Variants in ZNF785 observed in about 807,000 individuals in gnomAD.
ZNF785 encodes the protein zinc finger protein 785.
A neutral mutation model predicts 11.3 loss-of-function variants in ZNF785; 15 were observed. The ratio of observed to expected loss-of-function variants is 1.32; its 90% CI spans 0.89 to 2.04. The LOEUF (loss-of-function observed/expected upper bound fraction) is 2.04, where lower values mean the gene tolerates loss of function less well. Among genes scored for constraint, ZNF785 ranks in the 30% most tolerant of loss-of-function variants. The pLI is 0.00. For synonymous variants in ZNF785, 221 were observed against 231.0 expected, an observed-to-expected ratio of 0.96 and a Z score of 0.39; for missense variants, 572 against 560.9, an observed-to-expected ratio of 1.02 and a Z score of -0.20.
downstream of ZNF785, among the ~76,000 whole-genome samples, chr16:30,580,185 C>CA (rs2051788163): frequency 9.9e-6 from 1 of 101,084 alleles, no homozygotes; most frequent in Admixed American, 9.4e-5. Flanking sequence ...CCACACCAGG[C>CA]CTTTTTTTTT....
At chr16:30,584,124 G>A (rs375576722) in intron 2 of ZNF785, among the ~76,000 whole-genome samples, 2 of 151,756 alleles carry the variant, frequency 1.3e-5, no homozygotes, top group African/African-American at 4.8e-5. Flanking sequence ...CAGCATGGGC[G>A]ACACAGCAAG....
Position 30,582,916 on chromosome 16 carries a change from C to T in ZNF785, c.862G>A (p.Asp288Asn). Residue 288 changes from aspartate (D) to asparagine (N), a missense_variant, in exon 3 of 3, where the codon GAT becomes AAT. Coordinates refer to ENST00000395216, the MANE Select transcript of ZNF785 (RefSeq NM_152458.7). ...GTGTAGGCGAAACGGAGGCTGCAAT[C>T]GGGGCAGCTGTAGGGCTTCTCGCCC... ...HTGEKPYSCPDCSLRFAYTSL... is the reference protein window; with the variant it reads ...HTGEKPYSCPNCSLRFAYTSL... 6 of 1,612,964 alleles carry T rather than the reference C, an allele frequency of 3.7e-6. No individual in the cohort carries two copies. Among genetic ancestry groups the T allele is most frequent in the Middle Eastern group, 1.7e-4 (1 of 6,054 alleles).
At chr16:30,579,350 A>ATGTGG (rs1452067163), downstream of ZNF785, 2 of 160,054 alleles carry the variant, frequency 1.2e-5, no homozygotes, top group African/African-American at 4.8e-5. Context: ...AGGAGAGGCT[A>ATGTGG]TGTGGTGAAG....
chr16:30,582,355 G>T lies in ZNF785; in HGVS notation c.*205C>A. On this transcript the variant is annotated 3_prime_UTR_variant, in exon 3 of 3. Coordinates refer to ENST00000395216, the MANE Select transcript of ZNF785 (RefSeq NM_152458.7). Reference sequence around the variant, plus strand: ...ACGTGAACACGGGGCCCTGTGTGCTGGAGCTTCAGAAAATGGGGTCAACCC... The same window carrying T: ...ACGTGAACACGGGGCCCTGTGTGCTTGAGCTTCAGAAAATGGGGTCAACCC... 1 of 673,628 alleles carries T rather than the reference G, an allele frequency of 1.5e-6. No individual in the cohort carries two copies. Among genetic ancestry groups the T allele is most frequent in the Non-Finnish European group, 2.5e-6 (1 of 406,920 alleles). The allele number at this position is 673,628 out of a possible 1,614,324, so 41.7% of individuals were successfully genotyped here. A position where few individuals can be genotyped will look rare whatever the true frequency, so the allele number is the denominator to read the frequency against.
In ZNF785 at chr16:30,583,278, G is replaced by T. The variant is rs1156940378; in HGVS notation, c.500C>A (p.Thr167Asn). Residue 167 changes from threonine to asparagine, a missense_variant, in exon 3 of 3, where the codon ACC becomes AAC. Physicochemically the swap from Thr to Asn is moderately conservative, Grantham distance 65. Coordinates refer to ENST00000395216, the MANE Select transcript of ZNF785 (RefSeq NM_152458.7). Reference sequence around the variant, plus strand: ...TGGGCAAGAGTGGGGCAGTCTTCGGGTCAGAGTGTCCTTGAGCCAGGGATT... The same window carrying T: ...TGGGCAAGAGTGGGGCAGTCTTCGGTTCAGAGTGTCCTTGAGCCAGGGATT... Reference protein sequence around the residue: ...PMNPWLKDTLTRRLPHSCPDC... With the variant: ...PMNPWLKDTLNRRLPHSCPDC... 6.8e-6 allele frequency: 11 copies of T among 1,613,782 alleles called. No individual in the cohort carries two copies. The highest frequency in any genetic ancestry group is 1.7e-6 in the Non-Finnish European group (2 of 1,179,836).
At position 30,582,608 on chromosome 16, in the gene ZNF785, G is replaced by A. The variant is rs2051826338; in HGVS notation, c.1170C>T (p.Pro390=). Reference sequence around the variant, plus strand: ...CTGGAAAGTGCCGGAAGTGAACTGGGGGATCCTTGCCTCCCAAAACAGGGA... The same window carrying A: ...CTGGAAAGTGCCGGAAGTGAACTGGAGGATCCTTGCCTCCCAAAACAGGGA... ...EPIPVLGGKD[P]PVHFRHFPDI... Residue 390 remains proline, a synonymous_variant, in exon 3 of 3, where the codon CCC becomes CCT. Coordinates refer to ENST00000395216, the MANE Select transcript of ZNF785 (RefSeq NM_152458.7). 1.9e-6 allele frequency: 3 copies of A among 1,614,152 alleles called. No individual in the cohort carries two copies. Among genetic ancestry groups the A allele is most frequent in the Non-Finnish European group, 2.5e-6 (3 of 1,180,048 alleles).
rs1663455232 is a variant in ZNF785 at position 30,580,839 on chromosome 16, T to C, written c.*1721A>G. On this transcript the variant is annotated 3_prime_UTR_variant, in exon 3 of 3. Transcript: ENST00000395216. ...GACATACAAGCATTACAGTAAAAAT[T>C]AGACTGGAAAGACTATGCCTTGATT... 1 of 152,024 alleles carries C rather than the reference T, an allele frequency of 6.6e-6. No individual in the cohort carries two copies. The highest frequency in any genetic ancestry group is 6.6e-5 in the Admixed American group (1 of 15,234). The allele number at this position is 152,024 out of a possible 1,614,324, so 9.4% of individuals were successfully genotyped here.
At position 30,585,274 on chromosome 16, in the gene ZNF785, C is replaced by T. The variant is rs748937677; in HGVS notation, c.206-24G>A. ...TCCTGCGAAGGAGAAACAATGGGCT[C>T]GGCTGAGCGCACGGGAGGGGAGAAT... On this transcript the variant is annotated intron_variant, in intron 1 of 2. Coordinates refer to ENST00000395216, the MANE Select transcript of ZNF785 (RefSeq NM_152458.7). This position sits in a 1 kb window ranked among gnomAD's most constrained non-coding sequence, Gnocchi z 4.0. 19 of 1,612,352 alleles carry T rather than the reference C, an allele frequency of 1.2e-5. No individual in the cohort carries two copies. The South Asian group carries it at 1.9e-4, about 16-fold the overall frequency.
rs1238601059 is a variant in ZNF785 at position 30,581,888 on chromosome 16, C to T, written c.*672G>A. The T allele has an allele frequency of 6.6e-6, 1 of 152,286 alleles. No homozygotes were observed. Among genetic ancestry groups the T allele is most frequent in the African/African-American group, 2.4e-5 (1 of 41,448 alleles). The allele number at this position is 152,286 out of a possible 1,614,324, so 9.4% of individuals were successfully genotyped here. ...GGATCACGAGGTCAGGAATTCAAGA[C>T]CAGCCTGGCCAAGATGGTGGAACCC... On this transcript the variant is annotated 3_prime_UTR_variant, in exon 3 of 3. Coordinates refer to ENST00000395216, the MANE Select transcript of ZNF785 (RefSeq NM_152458.7).
Position 30,582,756 on chromosome 16 carries a change from G to C in ZNF785, c.1022C>G (p.Pro341Arg). 2 of 1,607,980 alleles carry C rather than the reference G, an allele frequency of 1.2e-6. No individual in the cohort carries two copies. The highest frequency in any genetic ancestry group is 1.7e-6 in the Non-Finnish European group (2 of 1,175,706). ...RRIHSDSRPFPCVECGKGFKR... is the reference protein window; with the variant it reads ...RRIHSDSRPFRCVECGKGFKR... ...GAAGCCTTTCCCACACTCCACGCAG[G>C]GGAAGGGCCGGCTGTCGGAGTGAAT... The change falls in exon 3 of 3, where the codon CCC (proline) becomes CGC (arginine). Residue 341 changes from proline to arginine, a missense_variant. Physicochemically the swap from Pro to Arg is moderately radical, Grantham distance 103. Transcript: ENST00000395216.
chr16:30,585,138 G>A lies in ZNF785; in HGVS notation c.318C>T (p.Gly106=), dbSNP rs764204547. The change falls in exon 2 of 3, where the codon GGC becomes GGT. Residue 106 remains glycine, a synonymous_variant. Transcript: ENST00000395216. This position sits in a 1 kb window ranked among gnomAD's most constrained non-coding sequence, Gnocchi z 4.0. ...DGESSAAFSR[G]QGQEAGSRDG... Reference sequence around the variant, plus strand: ...ATGAAGTACCTGCTTCCTGTCCTTGGCCCCTGCTGAAAGCTGCAGAGCTCT... The same window carrying A: ...ATGAAGTACCTGCTTCCTGTCCTTGACCCCTGCTGAAAGCTGCAGAGCTCT... 3.7e-6 allele frequency: 6 copies of A among 1,612,320 alleles called. No homozygotes were observed. The African/African-American group carries it at 6.7e-5, about 18-fold the overall frequency.
At chr16:30,578,815 G>A (rs985841309), downstream of ZNF785, 1 of 145,242 alleles carries the variant, frequency 6.9e-6, no homozygotes, top group African/African-American at 2.6e-5. Flanking sequence ...ACAGGTGTGA[G>A]CCACTGCGCC....
rs369128567 is a variant in ZNF785, at chr16:30,582,951, CGCTGGTGGAT to C, written c.817_826del (p.Ile273AlafsTer154). 6.2e-7 allele frequency: 1 copy of C among 1,613,852 alleles called. No individual in the cohort carries two copies. On this transcript the variant is annotated frameshift_variant, in exon 3 of 3. Coordinates refer to ENST00000395216, the MANE Select transcript of ZNF785 (RefSeq NM_152458.7). LOFTEE classifies it low-confidence loss of function (END_TRUNC). Reference sequence around the variant, plus strand: ...GTAGGGCTTCTCGCCCGTGTGCTTGCGCTGGTGGATGGCCAGCAGGTAGGGGTAAGTGAAG... The same window carrying C: ...GTAGGGCTTCTCGCCCGTGTGCTTGCGGCCAGCAGGTAGGGGTAAGTGAAG...
chr16:30,582,526 C>T lies in ZNF785; in HGVS notation c.*34G>A, dbSNP rs199846271. 283 of 1,608,512 alleles carry T rather than the reference C, an allele frequency of 1.8e-4. No homozygotes were observed. Among genetic ancestry groups the T allele is most frequent in the Non-Finnish European group, 2.2e-4 (262 of 1,176,392 alleles). ...ATACACAAACCTTGCCTCTTCCTCT[C>T]CAGGGAAACGCTGACCAGTTTGTGT... On this transcript the variant is annotated 3_prime_UTR_variant, in exon 3 of 3. Transcript: ENST00000395216.
At chr16:30,579,573 G>C, downstream of ZNF785, 1 of 297,308 alleles carries the variant, frequency 3.4e-6, no homozygotes, top group Admixed American at 4.1e-5. Flanking sequence ...TAGAGATGGG[G>C]TTTCACTATA....
In ZNF785 at chr16:30,585,159, G is replaced by A; in HGVS notation, c.297C>T (p.Ser99=). ...CTTGGCCCCTGCTGAAAGCTGCAGAGCTCTCACCGTCGGGATCCTGGGCCT... is the reference window on the plus strand; with the variant it reads ...CTTGGCCCCTGCTGAAAGCTGCAGAACTCTCACCGTCGGGATCCTGGGCCT... ...SPEAQDPDGE[S]SAAFSRGQGQ... The change falls in exon 2 of 3, where the codon AGC becomes AGT. Residue 99 remains serine (S), a synonymous_variant. Coordinates refer to ENST00000395216, the MANE Select transcript of ZNF785 (RefSeq NM_152458.7). This position sits in a 1 kb window ranked among gnomAD's most constrained non-coding sequence, Gnocchi z 4.0. 6.2e-7 allele frequency: 1 copy of A among 1,614,088 alleles called. No homozygotes were observed. The highest frequency in any genetic ancestry group is 8.5e-7 in the Non-Finnish European group (1 of 1,179,968).
At position 30,585,512 on chromosome 16, in the gene ZNF785, C is replaced by A. The variant is rs771172418; in HGVS notation, c.100G>T (p.Val34Leu). The A allele has an allele frequency of 1.3e-6, 2 of 1,594,652 alleles. No homozygotes were observed. Among genetic ancestry groups the A allele is most frequent in the South Asian group, 2.2e-5 (2 of 88,980 alleles). ...TCCTCGGGAGAGAAGTACACGGCCA[C>A]GTCCGCGAAGCTCACGGCGCCCGGC... Reference protein sequence around the residue: ...SRPGAVSFADVAVYFSPEEWE... With the variant: ...SRPGAVSFADLAVYFSPEEWE... The change falls in exon 1 of 3, where the codon GTG (valine) becomes TTG (leucine). Residue 34 changes from valine to leucine, a missense_variant. Val to Leu is a conservative substitution (Grantham distance 32, BLOSUM62 1). Transcript: ENST00000395216. The surrounding 1 kb of genome is among the most constrained non-coding windows in gnomAD (Gnocchi z 4.0).
rs575170080 is a variant in ZNF785, at chr16:30,582,091, A to T, written c.*469T>A. ...CAGAGCATGACTCCATCTCAAAAAA[A>T]AGAAAAGAATCCTGGGATGAGCTCC... On this transcript the variant is annotated 3_prime_UTR_variant, in exon 3 of 3. Coordinates refer to ENST00000395216, the MANE Select transcript of ZNF785 (RefSeq NM_152458.7). 4.4e-5 allele frequency: 7 copies of T among 159,154 alleles called. No homozygotes were observed. In the South Asian group the frequency reaches 9.4e-4, roughly 21 times the overall value. 9.9% of individuals were successfully genotyped at this position (159,154 alleles called of 1,614,324 possible). A position where few individuals can be genotyped will look rare whatever the true frequency, so the allele number is the denominator to read the frequency against.
chr16:30,585,104 C>T lies in ZNF785; in HGVS notation c.334+18G>A. 6.3e-7 allele frequency: 1 copy of T among 1,599,374 alleles called. No homozygotes were observed. Among genetic ancestry groups the T allele is most frequent in the Non-Finnish European group, 8.5e-7 (1 of 1,169,704 alleles). On this transcript the variant is annotated intron_variant, in intron 2 of 2. Coordinates refer to ENST00000395216, the MANE Select transcript of ZNF785 (RefSeq NM_152458.7). This position sits in a 1 kb window ranked among gnomAD's most constrained non-coding sequence, Gnocchi z 4.0. Reference sequence around the variant, plus strand: ...GGGGGTTGGGGCTTCTCCACGGCTACTTATCCAAATGAAGTACCTGCTTCC... The same window carrying T: ...GGGGGTTGGGGCTTCTCCACGGCTATTTATCCAAATGAAGTACCTGCTTCC...
Sources: gnomAD v4.1 joint callset for allele counts (sites outside exome capture counted in the v4.1 genomes callset) on GRCh38, gnomAD v4.1.1 for gene constraint, Gnocchi (gnomAD v3.1) non-coding constraint, MANE v1.5 for transcripts, NCBI Gene and HGNC (gene_info 2026-07-23, HGNC 2026-07-21) for gene names.